IPCEF1: variants seen among roughly 807,000 people sequenced by gnomAD.
IPCEF1 encodes the protein interactor protein for cytohesin exchange factors 1.
Under a neutral mutation model 50.9 loss-of-function variants are expected in IPCEF1, and 31 were observed. The ratio of observed to expected loss-of-function variants is 0.61; its 90% CI spans 0.46 to 0.82. IPCEF1 has a LOEUF of 0.82. Ranked by LOEUF, IPCEF1 falls within the 40% of genes least tolerant of loss-of-function variation. The pLI is 0.00. For synonymous variants in IPCEF1, 181 were observed against 192.0 expected, an observed-to-expected ratio of 0.94 and a Z score of 0.47; for missense variants, 458 against 514.0, an observed-to-expected ratio of 0.89 and a Z score of 1.05.
chr6:154,315,840 A>G (rs12663350), intron 1 of IPCEF1, among the ~76,000 whole-genome samples: 23,366 of 151,236 alleles, frequency 0.15, 2,684 homozygotes, highest in East Asian at 0.33. Flanking sequence ...TTTGGGGGGG[A>G]GCGGTGGTGG....
In IPCEF1 at chr6:154,159,787, G is replaced by A. The variant is rs765546416; in HGVS notation, c.*41C>T. The A allele has an allele frequency of 6.8e-7, 1 of 1,472,014 alleles. No individual in the cohort carries two copies. Among genetic ancestry groups the A allele is most frequent in the Admixed American group, 1.8e-5 (1 of 54,730 alleles). The allele number at this position is 1,472,014 out of a possible 1,614,324, so 91.2% of individuals were successfully genotyped here. A position where few individuals can be genotyped will look rare whatever the true frequency, so the allele number is the denominator to read the frequency against. ...AGCTTTTGCAACATCTTGAAGAGTT[G>A]CTTGTGATAAAATATAAGAGGAGAA... On this transcript the variant is annotated 3_prime_UTR_variant, in exon 12 of 12. Transcript: ENST00000367220.
chr6:154,199,647 A>G (rs767262008), intron 10 of IPCEF1, 21 bp downstream of exon 10: 6 of 1,563,808 alleles, frequency 3.8e-6, no homozygotes, highest in Non-Finnish European at 5.2e-6. Flanking sequence ...CTAACGAAGA[A>G]TAAATAATTT....
chr6:154,339,080 T>C (rs1253973423), intron 1 of IPCEF1, among the ~76,000 whole-genome samples: 3 of 152,204 alleles, frequency 2.0e-5, no homozygotes, highest in Non-Finnish European at 4.4e-5. Flanking sequence ...GAACTGCCTC[T>C]TCTTTTTTCC....
At chr6:154,247,123 A>G in intron 4 of IPCEF1, 1 of 423,482 alleles carries the variant, frequency 2.4e-6, no homozygotes, top group South Asian at 4.5e-5. Context: ...ATATCAGTGC[A>G]GTAACATAGC....
intron 10 of IPCEF1, among the ~76,000 whole-genome samples, chr6:154,177,223 C>A (rs1314405020): frequency 1.3e-5 from 2 of 152,136 alleles, no homozygotes; most frequent in African/African-American, 2.4e-5. Context: ...AGGACATAGG[C>A]ATGGGCAAAG....
chr6:154,342,849 A>C (rs1476500671), intron 1 of IPCEF1, among the ~76,000 whole-genome samples: 1 of 152,232 alleles, frequency 6.6e-6, no homozygotes, highest in Non-Finnish European at 1.5e-5. Flanking sequence ...ATGGTGGCTT[A>C]TGCCTGTAAT....
chr6:154,163,265 T>C (rs1799167401), intron 11 of IPCEF1, among the ~76,000 whole-genome samples: 1 of 152,196 alleles, frequency 6.6e-6, no homozygotes, highest in Admixed American at 6.5e-5. Flanking sequence ...CTTGACCTCC[T>C]TGCTCTTCCT....
chr6:154,165,800 C>A (rs1799380396), intron 11 of IPCEF1, among the ~76,000 whole-genome samples: 1 of 152,248 alleles, frequency 6.6e-6, no homozygotes, highest in Admixed American at 6.5e-5. Context: ...ATCTCACTCA[C>A]TCACTCTCAC....
intron 1 of IPCEF1, among the ~76,000 whole-genome samples, chr6:154,299,887 TAAAAAA>T (rs201561354): frequency 7.5e-6 from 1 of 133,826 alleles, no homozygotes; most frequent in Non-Finnish European, 1.7e-5. Context: ...GTCTATGACT[TAAAAAA>T]AAAAACTTGG....
At chr6:154,306,092 C>A (rs959286323) in intron 1 of IPCEF1, among the ~76,000 whole-genome samples, 2 of 152,124 alleles carry the variant, frequency 1.3e-5, no homozygotes, top group African/African-American at 4.8e-5. Flanking sequence ...GCTCTTTCTT[C>A]TAGAGAACCC....
intron 5 of IPCEF1, among the ~76,000 whole-genome samples, chr6:154,227,181 G>A (rs556617048): frequency 6.6e-6 from 1 of 151,814 alleles, no homozygotes; most frequent in Non-Finnish European, 1.5e-5. Flanking sequence ...TCCAGCCTGG[G>A]CAACAGAGCA....
chr6:154,186,046 C>T (rs1801316770), intron 10 of IPCEF1, among the ~76,000 whole-genome samples: 1 of 152,216 alleles, frequency 6.6e-6, no homozygotes, highest in African/African-American at 2.4e-5. Flanking sequence ...CAGCCCTGAC[C>T]TCTTCCTTCT....
intron 1 of IPCEF1, among the ~76,000 whole-genome samples, chr6:154,322,927 T>G (rs1783420871): frequency 6.6e-6 from 1 of 152,164 alleles, no homozygotes; most frequent in Non-Finnish European, 1.5e-5. Context: ...GAACTATACT[T>G]GAAATCTCAT....
At chr6:154,334,384 C>T (rs1333497348) in intron 1 of IPCEF1, among the ~76,000 whole-genome samples, 1 of 152,136 alleles carries the variant, frequency 6.6e-6, no homozygotes, top group African/African-American at 2.4e-5. Flanking sequence ...GGAAGGGTTA[C>T]AGTACATGAA....
At chr6:154,355,022 A>ATG (rs1784191436) in intron 1 of IPCEF1, among the ~76,000 whole-genome samples, 1 of 148,762 alleles carries the variant, frequency 6.7e-6, no homozygotes, top group African/African-American at 2.6e-5. Context: ...ACACACACAC[A>ATG]CACACACACA....
chr6:154,274,820 A>G (rs1423884798), intron 2 of IPCEF1, among the ~76,000 whole-genome samples: 1 of 152,214 alleles, frequency 6.6e-6, no homozygotes, highest in Non-Finnish European at 1.5e-5. Context: ...GTTGCGCCCA[A>G]TCAAGGTTCC....
At chr6:154,204,903 A>C (rs946348806) in intron 9 of IPCEF1, among the ~76,000 whole-genome samples, 1 of 152,098 alleles carries the variant, frequency 6.6e-6, no homozygotes, top group Non-Finnish European at 1.5e-5. Context: ...CTCCACCTGC[A>C]TCTCCTCCCT....
chr6:154,345,046 A>G (rs1233787189), intron 1 of IPCEF1, among the ~76,000 whole-genome samples: 1 of 152,056 alleles, frequency 6.6e-6, no homozygotes, highest in African/African-American at 2.4e-5. Flanking sequence ...ATTTTAATAC[A>G]TTTTGTAGAG....
chr6:154,348,250 C>G (rs2128700930), intron 1 of IPCEF1, among the ~76,000 whole-genome samples: 1 of 152,290 alleles, frequency 6.6e-6, no homozygotes. Flanking sequence ...GTCCCCATTA[C>G]CTACGCAAAA....
Sources: allele counts gnomAD v4.1 joint callset (sites outside exome capture counted in the v4.1 genomes callset), GRCh38; gene constraint gnomAD v4.1.1; transcripts MANE v1.5; gene names NCBI Gene and HGNC (gene_info 2026-07-23, HGNC 2026-07-21).